The following PGBD5 variants were observed in gnomAD, a reference collection of about 807,000 sequenced individuals.
The protein encoded by PGBD5 is piggyBac transposable element-derived protein 5.
Under a neutral mutation model 47.9 loss-of-function variants are expected in PGBD5, and 14 were observed. That is an observed-to-expected ratio of 0.29 (90% CI 0.19 to 0.46). The LOEUF (loss-of-function observed/expected upper bound fraction) is 0.46. PGBD5 is among the 20% of genes least tolerant of loss of function. The pLI is 1.00. For synonymous variants in PGBD5, 316 were observed against 306.3 expected (o/e 1.03, Z -0.33); for missense variants, 635 against 716.0 (o/e 0.89, Z 1.29).
chr1:230,353,625 G>T (rs141709183), intron 2 of PGBD5, among the ~76,000 whole-genome samples: 1 of 152,268 alleles, frequency 6.6e-6, no homozygotes, highest in Admixed American at 6.5e-5. Flanking sequence ...GAAGGATGGT[G>T]TAAGGGACGG....
intron 1 of PGBD5, among the ~76,000 whole-genome samples, chr1:230,407,514 G>A (rs1189241179): frequency 6.6e-6 from 1 of 152,182 alleles, no homozygotes; most frequent in African/African-American, 2.4e-5. Context: ...GAGTCTGACA[G>A]CCTGCTTGCT....
intron 1 of PGBD5, chr1:230,367,970 T>C: frequency 7.3e-7 from 1 of 1,367,060 alleles, no homozygotes; most frequent in Non-Finnish European, 9.8e-7. Context: ...CTCAAGGTCC[T>C]GCAAGCTGGA....
chr1:230,369,065 T>A (rs1454992853), intron 1 of PGBD5, among the ~76,000 whole-genome samples: 2 of 152,232 alleles, frequency 1.3e-5, no homozygotes, highest in Non-Finnish European at 2.9e-5. Flanking sequence ...CTGGAAGGCC[T>A]TGGCCACAGG....
intron 5 of PGBD5, among the ~76,000 whole-genome samples, chr1:230,331,394 C>T (rs1256560420): frequency 2.6e-5 from 4 of 151,950 alleles, no homozygotes; most frequent in Non-Finnish European, 4.4e-5. Context: ...CCAGCCTGGG[C>T]GACAGAGCAA....
chr1:230,357,773 C>T lies in PGBD5; in HGVS notation c.332-452G>A, dbSNP rs2102706563. Among the ~76,000 whole-genome samples the T allele has an allele frequency of 6.6e-6, 1 of 152,266 alleles. No homozygotes were observed. The highest frequency in any genetic ancestry group is 1.9e-4 in the East Asian group (1 of 5,184). ...GCCGAGTCTTAACTAGAGATGTACA[C>T]ACACACATAAATGTATATGTTTAAA... On this transcript the variant is annotated intron_variant, in intron 1 of 6. Transcript: ENST00000391860. This position sits in a 1 kb window ranked among gnomAD's most constrained non-coding sequence, Gnocchi z 5.7.
chr1:230,393,250 G>A (rs993194827), intron 1 of PGBD5, among the ~76,000 whole-genome samples: 29 of 137,342 alleles, frequency 2.1e-4, no homozygotes, highest in Admixed American at 7.4e-4. Flanking sequence ...GAAGGGAGAA[G>A]AGCAGGGAAA....
chr1:230,402,351 G>C lies in PGBD5; in HGVS notation c.331+23247C>G, dbSNP rs557113869. On this transcript the variant is annotated intron_variant, in intron 1 of 6. Transcript: ENST00000391860. ...CTGCCCTCGAGGAAGGTCCAGGAAC[G>C]CTTCTCCAGATAGAAAGTGAGAAGC... 2.6e-5 allele frequency among the ~76,000 whole-genome samples: 4 copies of C among 152,318 alleles called. No individual in the cohort carries two copies. The South Asian group carries it at 8.3e-4, about 32-fold the overall frequency.
At chr1:230,333,108 T>C (rs1571825935) in intron 4 of PGBD5, 67 bp from the exon 5 acceptor site, 1 of 1,497,364 alleles carries the variant, frequency 6.7e-7, no homozygotes, top group South Asian at 1.3e-5. Flanking sequence ...TCCTCCGCCC[T>C]GGGCACCCCC....
At chr1:230,355,102 T>C (rs1029224256) in intron 2 of PGBD5, among the ~76,000 whole-genome samples, 8 of 152,276 alleles carry the variant, frequency 5.3e-5, no homozygotes, top group South Asian at 2.1e-4. Flanking sequence ...ATCATCCTTC[T>C]AGGCTCTCCC....
intron 1 of PGBD5, among the ~76,000 whole-genome samples, chr1:230,402,158 A>C (rs767077722): frequency 6.6e-6 from 1 of 152,242 alleles, no homozygotes; most frequent in Admixed American, 6.5e-5. Context: ...ATTACTAAGC[A>C]TATTCTGTAA....
At chr1:230,401,669 A>G (rs1460654285) in intron 1 of PGBD5, among the ~76,000 whole-genome samples, 1 of 152,234 alleles carries the variant, frequency 6.6e-6, no homozygotes, top group Non-Finnish European at 1.5e-5. Flanking sequence ...ACCCTTCATA[A>G]TCTAGGGTTT....
chr1:230,369,830 C>T (rs973432770), intron 1 of PGBD5, among the ~76,000 whole-genome samples: 2 of 151,982 alleles, frequency 1.3e-5, no homozygotes, highest in African/African-American at 4.8e-5. Flanking sequence ...TCCCTGGCTA[C>T]TAATTATATC....
chr1:230,332,189 G>C (rs1006438631), intron 5 of PGBD5, among the ~76,000 whole-genome samples: 4 of 152,168 alleles, frequency 2.6e-5, no homozygotes, highest in Non-Finnish European at 5.9e-5. Context: ...CTCATTCGTC[G>C]TCATTTGTCT....
chr1:230,366,708 T>C (rs1667839133), intron 1 of PGBD5, among the ~76,000 whole-genome samples: 1 of 152,130 alleles, frequency 6.6e-6, no homozygotes, highest in East Asian at 1.9e-4. Flanking sequence ...ACAGAGCTGG[T>C]GTGAGGATTA....
intron 1 of PGBD5, among the ~76,000 whole-genome samples, chr1:230,411,998 C>T (rs1405193499): frequency 6.6e-6 from 1 of 151,982 alleles, no homozygotes; most frequent in African/African-American, 2.4e-5. Context: ...ATGAACTCTC[C>T]CCCCAAAAAG....
intron 1 of PGBD5, among the ~76,000 whole-genome samples, chr1:230,401,879 C>G (rs537238630): frequency 6.6e-6 from 1 of 152,286 alleles, no homozygotes; most frequent in Admixed American, 6.5e-5. Flanking sequence ...GGGCTGACAT[C>G]CACAACTGCT....
At position 230,399,923 on chromosome 1, in the gene PGBD5, G is replaced by A. The variant is rs374871108; in HGVS notation, c.331+25675C>T. Among the ~76,000 whole-genome samples, 16 of 152,208 alleles carry A rather than the reference G, an allele frequency of 1.1e-4. No homozygotes were observed. The East Asian group carries it at 1.5e-3, about 15-fold the overall frequency. ...CCACCATCTCTTGCCAGGTTATGGC[G>A]GGAGCCAGATCCCACGCTTGTCCTC... On this transcript the variant is annotated intron_variant, in intron 1 of 6. Coordinates refer to ENST00000391860, the MANE Select transcript of PGBD5 (RefSeq NM_001258311.2).
chr1:230,416,166 A>G (rs957582727), intron 1 of PGBD5, among the ~76,000 whole-genome samples: 1 of 152,146 alleles, frequency 6.6e-6, no homozygotes, highest in Non-Finnish European at 1.5e-5. Flanking sequence ...TAGAAGCTCA[A>G]GACTGTATTA....
At chr1:230,375,455 G>A (rs1310656150) in intron 1 of PGBD5, among the ~76,000 whole-genome samples, 4 of 152,102 alleles carry the variant, frequency 2.6e-5, no homozygotes, top group Non-Finnish European at 4.4e-5. Context: ...CTCCTGCACT[G>A]CACTCTCATC....
Sources: allele counts gnomAD v4.1 joint callset (sites outside exome capture counted in the v4.1 genomes callset), GRCh38; gene constraint gnomAD v4.1.1; non-coding constraint Gnocchi (gnomAD v3.1); transcripts MANE v1.5; gene names NCBI Gene and HGNC (gene_info 2026-07-23, HGNC 2026-07-21).